The following TOR1AIP1 variants were observed in gnomAD, a reference collection of about 807,000 sequenced individuals.
TOR1AIP1 encodes torsin-1A-interacting protein 1.
TOR1AIP1 carries 54 observed loss-of-function variants against 63.3 expected under a neutral mutation model. The observed-to-expected ratio is 0.85, with a 90% CI of 0.69 to 1.07. TOR1AIP1 has a LOEUF of 1.07. Among genes scored for constraint, TOR1AIP1 ranks in the 50% least tolerant of loss-of-function variants. The pLI, the probability that TOR1AIP1 is intolerant of heterozygous loss-of-function variation, is 0.00. For missense variants in TOR1AIP1, 736 were observed against 715.0 expected, an observed-to-expected ratio of 1.03 and a Z score of -0.33; for synonymous variants, 294 against 273.5, an observed-to-expected ratio of 1.07 and a Z score of -0.74.
chr1:179,894,948 TG>T (rs1648218266), intron 3 of TOR1AIP1, among the ~76,000 whole-genome samples: 1 of 152,172 alleles, frequency 6.6e-6, no homozygotes. Context: ...TTTTATAAGT[TG>T]TAAAAGGCCG....
At chr1:179,889,760 T>C (rs1571723468) in intron 3 of TOR1AIP1, among the ~76,000 whole-genome samples, 1 of 152,012 alleles carries the variant, frequency 6.6e-6, no homozygotes, top group Admixed American at 6.6e-5. Context: ...GCTCAAGCAG[T>C]CCTCCTGCCT....
At chr1:179,885,842 A>G (rs1414157221) in intron 2 of TOR1AIP1, among the ~76,000 whole-genome samples, 71 of 152,108 alleles carry the variant, frequency 4.7e-4, no homozygotes, top group Non-Finnish European at 8.8e-5. Context: ...CCAGGTTCAA[A>G]CAATTCTCCT....
intron 5 of TOR1AIP1, among the ~76,000 whole-genome samples, chr1:179,902,095 G>A (rs535900338): frequency 2.9e-4 from 42 of 145,286 alleles, no homozygotes; most frequent in African/African-American, 1.0e-3. Flanking sequence ...GCGCAATGTC[G>A]GCTCACTGCA....
chr1:179,908,709 G>A, intron 8 of TOR1AIP1, 36 bp downstream of exon 8: 1 of 1,555,234 alleles, frequency 6.4e-7, no homozygotes, highest in Non-Finnish European at 8.8e-7. Flanking sequence ...AAATAATCTT[G>A]TGTATTTGCT....
chr1:179,897,269 G>A (rs144591502), intron 3 of TOR1AIP1, among the ~76,000 whole-genome samples: 1 of 152,096 alleles, frequency 6.6e-6, no homozygotes, highest in Non-Finnish European at 1.5e-5. Flanking sequence ...AAAATCAAAT[G>A]GGGAGCTCCC....
At chr1:179,906,719 T>G (rs1302739526) in intron 6 of TOR1AIP1, among the ~76,000 whole-genome samples, 1 of 145,508 alleles carries the variant, frequency 6.9e-6, no homozygotes, top group Non-Finnish European at 1.5e-5. Context: ...TTGGAAAAAT[T>G]ACCAATTTTG....
intron 8 of TOR1AIP1, among the ~76,000 whole-genome samples, chr1:179,910,928 A>G (rs571911573): frequency 3.3e-4 from 50 of 152,340 alleles, no homozygotes; most frequent in African/African-American, 1.1e-3. Flanking sequence ...TGAACATCTA[A>G]TAGAAATGCA....
rs184021267 is a variant in TOR1AIP1, at chr1:179,886,794, C to T, written c.553+2025C>T. Among the ~76,000 whole-genome samples, 3 of 152,262 alleles carry T rather than the reference C, an allele frequency of 2.0e-5. No homozygotes were observed. In the East Asian group the frequency reaches 5.8e-4, roughly 29 times the overall value. On this transcript the variant is annotated intron_variant, in intron 2 of 9. Coordinates refer to ENST00000606911, the MANE Select transcript of TOR1AIP1 (RefSeq NM_015602.4). ...GTCTGTCTTTGAGAGGTTTGAGATACTCAGGGTTTTCTTCCTCTAAAAGGT... is the reference window on the plus strand; with the variant it reads ...GTCTGTCTTTGAGAGGTTTGAGATATTCAGGGTTTTCTTCCTCTAAAAGGT...
Position 179,899,066 on chromosome 1 carries a change from T to C in TOR1AIP1, c.611-1060T>C, listed in dbSNP as rs188983134. ...AAATATTTTCAAATTCACCGTATAA[T>C]GTGTTAGCAGTTGCTTTCTATAATA... On this transcript the variant is annotated intron_variant, in intron 3 of 9. Transcript: ENST00000606911. 2.7e-4 allele frequency among the ~76,000 whole-genome samples: 41 copies of C among 152,336 alleles called. No homozygotes were observed. The East Asian group carries it at 7.5e-3, about 28-fold the overall frequency.
At position 179,882,609 on chromosome 1, in the gene TOR1AIP1, A is replaced by G; in HGVS notation, c.107A>G (p.Asn36Ser). Residue 36 changes from asparagine to serine, a missense_variant, in exon 1 of 10, where the codon AAT (asparagine) becomes AGT (serine). Transcript: ENST00000606911. ...REGRGRLAPQ[N>S]GGSSDAPAYR... ...GGAAGGGGCCGGCTCGCCCCTCAAA[A>G]TGGCGGCAGCAGCGATGCGCCTGCG... 6.5e-7 allele frequency: 1 copy of G among 1,527,152 alleles called. No homozygotes were observed. The highest frequency in any genetic ancestry group is 8.8e-7 in the Non-Finnish European group (1 of 1,140,030). The allele number at this position is 1,527,152 out of a possible 1,614,324, so 94.6% of individuals were successfully genotyped here. A position where few individuals can be genotyped will look rare whatever the true frequency, so the allele number is the denominator to read the frequency against.
intron 3 of TOR1AIP1, among the ~76,000 whole-genome samples, chr1:179,894,168 GT>G (rs1313895339): frequency 6.7e-6 from 1 of 150,094 alleles, no homozygotes; most frequent in Admixed American, 6.6e-5. Context: ...GGAGAATGGC[GT>G]GAACCCGGAA....
At chr1:179,888,631 A>G (rs1435943051) in intron 2 of TOR1AIP1, among the ~76,000 whole-genome samples, 1 of 152,204 alleles carries the variant, frequency 6.6e-6, no homozygotes, top group Non-Finnish European at 1.5e-5. Context: ...GCTTTTTTAT[A>G]CAGATGAATG....
At chr1:179,917,401 G>C in intron 9 of TOR1AIP1, 51 bp from the exon 10 acceptor site, 1 of 1,493,836 alleles carries the variant, frequency 6.7e-7, no homozygotes, top group Non-Finnish European at 9.1e-7. Context: ...ACTTGCCCCT[G>C]AATCTAAGAA....
At chr1:179,900,795 C>T (rs181742947) in intron 4 of TOR1AIP1, among the ~76,000 whole-genome samples, 18 of 152,224 alleles carry the variant, frequency 1.2e-4, no homozygotes, top group Admixed American at 1.1e-3. Flanking sequence ...ATTCTCATAA[C>T]CAGTTTATGT....
intron 1 of TOR1AIP1, 102 bp from the exon 2 acceptor site, chr1:179,884,590 T>C (rs1054819905): frequency 3.1e-6 from 3 of 967,708 alleles, no homozygotes; most frequent in Non-Finnish European, 4.5e-6. Flanking sequence ...AACGAATTTC[T>C]TGAATTTTTG....
rs757978053 is a variant in TOR1AIP1 at position 179,884,789 on chromosome 1, TG to T, written c.553+21del. On this transcript the variant is annotated intron_variant, in intron 2 of 9. Coordinates refer to ENST00000606911, the MANE Select transcript of TOR1AIP1 (RefSeq NM_015602.4). ...CTCCAGGTAAGAATAGTTAACTTTT[TG>T]TTTTTCTCCTTACCTACCAACTTTT... is the stretch of plus-strand genomic sequence containing the variant. 1.3e-5 allele frequency: 21 copies of T among 1,575,346 alleles called. No individual in the cohort carries two copies. The highest frequency in any genetic ancestry group is 4.6e-5 in the South Asian group (4 of 86,222).
intron 6 of TOR1AIP1, among the ~76,000 whole-genome samples, chr1:179,907,615 A>ATATATATATATATG (rs1231288551): frequency 4.5e-5 from 1 of 22,070 alleles, no homozygotes; most frequent in Non-Finnish European, 1.2e-4. Flanking sequence ...ATATATATAT[A>ATATATATATATATG]TATGTATATA....
intron 3 of TOR1AIP1, among the ~76,000 whole-genome samples, chr1:179,892,526 A>C (rs1338498443): frequency 6.6e-6 from 1 of 151,976 alleles, no homozygotes; most frequent in Non-Finnish European, 1.5e-5. Context: ...TCACAAGGTC[A>C]GGAGATCGAG....
chr1:179,882,972 C>T lies in TOR1AIP1; in HGVS notation c.470C>T (p.Ser157Phe), dbSNP rs1251981351. ...TRRGLRDSHS[S>F]EEDEASSQTD... The stretch of plus-strand genomic sequence containing the variant: ...AGAGGGCTGCGGGACTCTCATTCCT[C>T]TGAAGGTGAGGACCGCGGAGGTAAC... The change falls in exon 1 of 10, where the codon TCT becomes TTT. Residue 157 changes from serine (S) to phenylalanine (F), a missense_variant. Coordinates refer to ENST00000606911, the MANE Select transcript of TOR1AIP1 (RefSeq NM_015602.4). 1.2e-6 allele frequency: 2 copies of T among 1,610,384 alleles called. No homozygotes were observed. Among genetic ancestry groups the T allele is most frequent in the African/African-American group, 2.7e-5 (2 of 74,966 alleles).
Sources: allele counts gnomAD v4.1 joint callset (sites outside exome capture counted in the v4.1 genomes callset), GRCh38; gene constraint gnomAD v4.1.1; transcripts MANE v1.5; gene names NCBI Gene and HGNC (gene_info 2026-07-23, HGNC 2026-07-21).